Variants in CFAP61 observed in about 807,000 individuals in gnomAD.
CFAP61 encodes the protein cilia and flagella associated protein 61, also known as cilia- and flagella-associated protein 61.
A neutral mutation model predicts 135.6 loss-of-function variants in CFAP61; 107 were observed. The observed-to-expected ratio is 0.79, with a 90% CI of 0.67 to 0.93. CFAP61 has a LOEUF of 0.93. CFAP61 is among the 40% of genes least tolerant of loss of function. The pLI is 0.00. For missense variants in CFAP61, 1,507 were observed against 1,556.2 expected, an observed-to-expected ratio of 0.97 and a Z score of 0.53; for synonymous variants, 575 against 578.5, an observed-to-expected ratio of 0.99 and a Z score of 0.09.
chr20:20,312,886 C>A (rs2056912589), intron 25 of CFAP61, among the ~76,000 whole-genome samples: 1 of 152,164 alleles, frequency 6.6e-6, no homozygotes, highest in Non-Finnish European at 1.5e-5. Flanking sequence ...CATACCCCCC[C>A]ATATTACATA....
intron 24 of CFAP61, among the ~76,000 whole-genome samples, chr20:20,297,718 C>G (rs1208505005): frequency 2.0e-5 from 3 of 152,252 alleles, no homozygotes; most frequent in Admixed American, 6.5e-5. Context: ...TCCCCGCCAT[C>G]AGGCCTGGCC....
Position 20,203,577 on chromosome 20 carries a change from A to G in CFAP61, c.1932+3675A>G, listed in dbSNP as rs543041355. 3.9e-5 allele frequency among the ~76,000 whole-genome samples: 6 copies of G among 152,352 alleles called. No individual in the cohort carries two copies. In the South Asian group the frequency reaches 1.2e-3, roughly 32 times the overall value. ...GCAATGAGTAATAATCACATCATGT[A>G]AAATGGGGTATCCATCCATCCCCTC... is the stretch of plus-strand genomic sequence containing the variant. On this transcript the variant is annotated intron_variant, in intron 17 of 26. Coordinates refer to ENST00000245957, the MANE Select transcript of CFAP61 (RefSeq NM_015585.4).
At chr20:20,317,865 G>A (rs1944393179) in intron 25 of CFAP61, among the ~76,000 whole-genome samples, 1 of 152,202 alleles carries the variant, frequency 6.6e-6, no homozygotes, top group African/African-American at 2.4e-5. Flanking sequence ...AGGCCGTGAG[G>A]CTGCTGGGAG....
At chr20:20,257,840 G>A (rs2051771058) in intron 20 of CFAP61, among the ~76,000 whole-genome samples, 1 of 152,072 alleles carries the variant, frequency 6.6e-6, no homozygotes, top group Non-Finnish European at 1.5e-5. Flanking sequence ...TGGCAAGGGA[G>A]GAATATGCAT....
Position 20,360,630 on chromosome 20 carries a change from C to G in CFAP61, c.*220C>G, listed in dbSNP as rs141302946. On this transcript the variant is annotated 3_prime_UTR_variant, in exon 27 of 27. Transcript: ENST00000245957. ...TCTCTTCTGGGGCAGGCTCGCTTTACAAATCCCAGGCATGTTCCTGTGCAG... is the reference window on the plus strand; with the variant it reads ...TCTCTTCTGGGGCAGGCTCGCTTTAGAAATCCCAGGCATGTTCCTGTGCAG... The G allele has an allele frequency of 2.2e-4, 128 of 573,286 alleles. No homozygotes were observed. Among genetic ancestry groups the G allele is most frequent in the African/African-American group, 2.2e-3 (115 of 53,406 alleles). 35.5% of individuals were successfully genotyped at this position (573,286 alleles called of 1,614,324 possible).
intron 18 of CFAP61, among the ~76,000 whole-genome samples, chr20:20,234,518 G>C (rs1318081286): frequency 1.3e-5 from 2 of 152,198 alleles, no homozygotes; most frequent in East Asian, 1.9e-4. Flanking sequence ...AGAGGACACA[G>C]GTGTACTATC....
chr20:20,185,200 G>C (rs1048067380), intron 13 of CFAP61, among the ~76,000 whole-genome samples: 1 of 152,200 alleles, frequency 6.6e-6, no homozygotes, highest in Non-Finnish European at 1.5e-5. Flanking sequence ...AATATTCTGA[G>C]AGGGGCCATA....
chr20:20,238,719 T>C (rs2049787585), intron 18 of CFAP61, among the ~76,000 whole-genome samples: 1 of 152,186 alleles, frequency 6.6e-6, no homozygotes, highest in Non-Finnish European at 1.5e-5. Flanking sequence ...CCCTCTTTAT[T>C]TGAAGGATAA....
intron 8 of CFAP61, among the ~76,000 whole-genome samples, chr20:20,129,461 C>T (rs1490567127): frequency 6.6e-6 from 1 of 151,304 alleles, no homozygotes; most frequent in East Asian, 1.9e-4. Context: ...TCTGTACTTG[C>T]TTCTTTTCCC....
intron 25 of CFAP61, among the ~76,000 whole-genome samples, chr20:20,300,287 T>A (rs188154929): frequency 1.3e-3 from 193 of 152,268 alleles, no homozygotes; most frequent in Middle Eastern, 3.4e-3. Context: ...CTTCTACTTA[T>A]GAAAAAAAAG....
intron 25 of CFAP61, chr20:20,322,939 T>C (rs1353021342): frequency 1.0e-6 from 1 of 985,334 alleles, no homozygotes; most frequent in Non-Finnish European, 1.2e-6. Flanking sequence ...AATTAGACTG[T>C]GAGTGGTTTC....
intron 3 of CFAP61, among the ~76,000 whole-genome samples, chr20:20,073,257 TGTC>T (rs1262925541): frequency 6.6e-6 from 1 of 152,236 alleles, no homozygotes; most frequent in Non-Finnish European, 1.5e-5. Flanking sequence ...CTTGAAATCA[TGTC>T]GTCGTCATCG....
intron 8 of CFAP61, among the ~76,000 whole-genome samples, chr20:20,110,456 C>G (rs1462292015): frequency 6.6e-6 from 1 of 152,014 alleles, no homozygotes; most frequent in African/African-American, 2.4e-5. Context: ...AAGGAGACAG[C>G]AACATAGATT....
At chr20:20,165,798 C>A (rs902306888) in intron 11 of CFAP61, among the ~76,000 whole-genome samples, 29 of 152,158 alleles carry the variant, frequency 1.9e-4, no homozygotes, top group African/African-American at 6.8e-4. Flanking sequence ...CTTTTTTCAT[C>A]TCGAGTTTTT....
At chr20:20,337,508 A>G (rs960536903) in intron 25 of CFAP61, among the ~76,000 whole-genome samples, 236 of 4,524 alleles carry the variant, frequency 0.052, 1 homozygote, top group Middle Eastern at 0.12. Flanking sequence ...GTGGATGGAT[A>G]AATGGATGGA....
intron 21 of CFAP61, among the ~76,000 whole-genome samples, chr20:20,269,226 T>C (rs1193132205): frequency 7.0e-6 from 1 of 142,978 alleles, no homozygotes; most frequent in East Asian, 2.0e-4. Context: ...TATATACATA[T>C]ATGTATATAT....
At chr20:20,274,769 G>A (rs2053617707) in intron 21 of CFAP61, among the ~76,000 whole-genome samples, 1 of 152,114 alleles carries the variant, frequency 6.6e-6, no homozygotes, top group African/African-American at 2.4e-5. Flanking sequence ...TCTATTTGTG[G>A]AAGGATGTGA....
chr20:20,277,370 T>C lies in CFAP61; in HGVS notation c.2708T>C (p.Leu903Pro). The change falls in exon 22 of 27, where the codon CTG (leucine) becomes CCG (proline). Residue 903 changes from leucine (L) to proline (P), a missense_variant. Physicochemically the swap from Leu to Pro is moderately conservative, Grantham distance 98. Coordinates refer to ENST00000245957, the MANE Select transcript of CFAP61 (RefSeq NM_015585.4). ...GTCACTATGTACCGGGATGCGATCCTGGCCCAGTGGAATGACGGCCTGCAC... is the reference window on the plus strand; with the variant it reads ...GTCACTATGTACCGGGATGCGATCCCGGCCCAGTGGAATGACGGCCTGCAC... ...AGVTMYRDAI[L>P]AQWNDGLHPD... 3.1e-6 allele frequency: 5 copies of C among 1,614,178 alleles called. No homozygotes were observed. Among genetic ancestry groups the C allele is most frequent in the Non-Finnish European group, 4.2e-6 (5 of 1,180,024 alleles).
At chr20:20,164,711 C>T (rs1478919781) in intron 11 of CFAP61, among the ~76,000 whole-genome samples, 1 of 152,006 alleles carries the variant, frequency 6.6e-6, no homozygotes, top group Non-Finnish European at 1.5e-5. Flanking sequence ...AAATCAAGGA[C>T]CAAGTTTCTC....
Sources: gnomAD v4.1 joint callset for allele counts (sites outside exome capture counted in the v4.1 genomes callset) on GRCh38, gnomAD v4.1.1 for gene constraint, MANE v1.5 for transcripts, NCBI Gene and HGNC (gene_info 2026-07-23, HGNC 2026-07-21) for gene names.